ACTN1: variants seen among roughly 807,000 people sequenced by gnomAD.
The protein encoded by ACTN1 is actinin alpha 1, also known as alpha-actinin-1.
In ACTN1, 30 loss-of-function variants were observed where a neutral mutation model predicts 119.6. The ratio of observed to expected loss-of-function variants is 0.25; its 90% CI spans 0.19 to 0.34. The LOEUF (loss-of-function observed/expected upper bound fraction) is 0.34, where lower values mean the gene tolerates loss of function less well. Among genes scored for constraint, ACTN1 ranks in the 10% least tolerant of loss-of-function variants. ACTN1 has a pLI of 1.00. For synonymous variants in ACTN1, 429 were observed against 472.6 expected (o/e 0.91, Z 1.20); for missense variants, 764 against 1,223.4 (o/e 0.62, Z 5.60).
At chr14:68,945,501 G>C (rs1309380591) in intron 1 of ACTN1, among the ~76,000 whole-genome samples, 1 of 152,222 alleles carries the variant, frequency 6.6e-6, no homozygotes, top group East Asian at 1.9e-4. Flanking sequence ...ATCTTAGAAA[G>C]AGACCTCTAA....
At chr14:68,917,910 A>G (rs1369173697) in intron 3 of ACTN1, among the ~76,000 whole-genome samples, 1 of 152,136 alleles carries the variant, frequency 6.6e-6, no homozygotes, top group Non-Finnish European at 1.5e-5. Context: ...TACTAAAAAT[A>G]CAAAAATTAG....
chr14:68,944,917 G>C (rs1311218954), intron 1 of ACTN1, among the ~76,000 whole-genome samples: 5 of 148,666 alleles, frequency 3.4e-5, no homozygotes, highest in Non-Finnish European at 6.1e-5. Flanking sequence ...GTAGCTGTAG[G>C]TCACCCTATG....
chr14:68,962,417 G>C (rs879314229), intron 1 of ACTN1, among the ~76,000 whole-genome samples: 5 of 152,120 alleles, frequency 3.3e-5, no homozygotes, highest in Admixed American at 6.5e-5. Flanking sequence ...CTCCACAGCC[G>C]CCTTCCCAGG....
chr14:68,933,985 A>G (rs2035361785), intron 1 of ACTN1, among the ~76,000 whole-genome samples: 1 of 151,856 alleles, frequency 6.6e-6, no homozygotes, highest in African/African-American at 2.4e-5. Flanking sequence ...CTCAAGAAAA[A>G]AAAAAAAAAA....
chr14:68,885,918 A>C lies in ACTN1; in HGVS notation c.1235-343T>G. ...CTCTGGTATAACCAGGAAAAAAACA[A>C]CCCAAGCACCTCAGGAGTACCCTGC... On this transcript the variant is annotated intron_variant, in intron 11 of 21. Transcript: ENST00000394419. The surrounding 1 kb of genome is among the most constrained non-coding windows in gnomAD (Gnocchi z 5.6). 4.8e-6 allele frequency: 1 copy of C among 208,478 alleles called. No individual in the cohort carries two copies. The allele number at this position is 208,478 out of a possible 1,614,324, so 12.9% of individuals were successfully genotyped here.
At chr14:68,906,099 C>G (rs184267291) in intron 6 of ACTN1, among the ~76,000 whole-genome samples, 1 of 152,054 alleles carries the variant, frequency 6.6e-6, no homozygotes. Context: ...GGGGAACTAC[C>G]GTTTAATGGG....
intron 6 of ACTN1, among the ~76,000 whole-genome samples, chr14:68,905,789 C>T (rs1012769126): frequency 4.6e-5 from 7 of 152,022 alleles, no homozygotes; most frequent in Non-Finnish European, 7.4e-5. Context: ...GTCAGGAGTT[C>T]ATGACTAGCG....
chr14:68,973,036 C>A (rs549839939), intron 1 of ACTN1, among the ~76,000 whole-genome samples: 2 of 152,298 alleles, frequency 1.3e-5, no homozygotes, highest in Admixed American at 1.3e-4. Flanking sequence ...TTGGGGCCTG[C>A]CCATCACTAG....
chr14:68,936,629 T>G, intron 1 of ACTN1: 3 of 579,512 alleles, frequency 5.2e-6, no homozygotes, highest in East Asian at 3.9e-5. Flanking sequence ...GCACCGAGAG[T>G]TCGTGGCAGA....
rs2031649004 is a variant in ACTN1 at position 68,882,592 on chromosome 14, C to A, written c.1819G>T (p.Val607Leu). The change falls in exon 16 of 22, where the codon GTG (valine) becomes TTG (leucine). Residue 607 changes from valine (V) to leucine (L), a missense_variant and splice_region_variant. Physicochemically the swap from Val to Leu is conservative, Grantham distance 32 (BLOSUM62 1). Around this residue, in one of 4 missense-constraint regions of ACTN1, gnomAD observed 544 missense variants for 912.0 expected, o/e 0.60. Transcript: ENST00000394419. This position sits in a 1 kb window ranked among gnomAD's most constrained non-coding sequence, Gnocchi z 4.5. The stretch of plus-strand genomic sequence containing the variant: ...TCCCTCCGAGGCACCAGCTGCCGCA[C>A]CTGGGGCAGGAACAACAAGGCGACT... ...PQEINGKWDH[V>L]RQLVPRRDQA... The A allele has an allele frequency of 1.2e-6, 2 of 1,613,940 alleles. No individual in the cohort carries two copies. Among genetic ancestry groups the A allele is most frequent in the South Asian group, 2.2e-5 (2 of 91,090 alleles).
At chr14:68,876,233 T>C (rs2030876332) in intron 21 of ACTN1, among the ~76,000 whole-genome samples, 1 of 152,152 alleles carries the variant, frequency 6.6e-6, no homozygotes, top group Admixed American at 6.5e-5. Flanking sequence ...CCTGACCTGA[T>C]CCATCCACCT....
At chr14:68,904,606 G>C (rs1366884595) in intron 7 of ACTN1, 49 bp downstream of exon 7, 1 of 1,565,418 alleles carries the variant, frequency 6.4e-7, no homozygotes, top group African/African-American at 1.4e-5. Context: ...TAGCCGCTGA[G>C]TGGCAGGTGG....
chr14:68,948,107 G>T lies in ACTN1; in HGVS notation c.106-22435C>A, dbSNP rs1236366682. Among the ~76,000 whole-genome samples the T allele has an allele frequency of 2.0e-5, 3 of 152,220 alleles. No homozygotes were observed. The East Asian group carries it at 5.8e-4, about 29-fold the overall frequency. ...AGCCTCTCCCAGGGGAGTAGGGCTT[G>T]GATGGACAGAAAGCACACAGAGGTC... is the stretch of plus-strand genomic sequence containing the variant. On this transcript the variant is annotated intron_variant, in intron 1 of 21. Transcript: ENST00000394419.
At chr14:68,908,502 T>C (rs945266469) in intron 6 of ACTN1, among the ~76,000 whole-genome samples, 3 of 152,326 alleles carry the variant, frequency 2.0e-5, no homozygotes, top group African/African-American at 7.2e-5. Flanking sequence ...TGAGCACAGA[T>C]AGGCGACATT....
At chr14:68,973,751 G>C (rs1224275704) in intron 1 of ACTN1, 1 of 152,184 alleles carries the variant, frequency 6.6e-6, no homozygotes, top group East Asian at 1.9e-4. Flanking sequence ...CAGTACTTAG[G>C]AGGCCACTGG....
At position 68,878,894 on chromosome 14, in the gene ACTN1, A is replaced by G; in HGVS notation, c.2361+95T>C. 1 of 1,601,384 alleles carries G rather than the reference A, an allele frequency of 6.2e-7. No individual in the cohort carries two copies. Reference sequence around the variant, plus strand: ...GCCCCATGGCCCACAGGAGGGGGACAGGAGATCCAGACAGAGAGAAGAGAA... The same window carrying G: ...GCCCCATGGCCCACAGGAGGGGGACGGGAGATCCAGACAGAGAGAAGAGAA... On this transcript the variant is annotated intron_variant, in intron 19 of 21. Transcript: ENST00000394419. This position sits in a 1 kb window ranked among gnomAD's most constrained non-coding sequence, Gnocchi z 4.4.
intron 1 of ACTN1, among the ~76,000 whole-genome samples, chr14:68,961,428 C>T (rs1474270085): frequency 2.6e-5 from 4 of 152,208 alleles, no homozygotes; most frequent in Middle Eastern, 3.2e-3. Flanking sequence ...TCTCCCCTAA[C>T]TTATCTATCT....
At chr14:68,978,728 C>G in intron 1 of ACTN1, 1 of 363,068 alleles carries the variant, frequency 2.8e-6, no homozygotes, top group Non-Finnish European at 4.9e-6. Flanking sequence ...GCCACCTCCC[C>G]GCGCTCCGGC....
intron 1 of ACTN1, among the ~76,000 whole-genome samples, chr14:68,959,176 C>T (rs1290198172): frequency 2.0e-5 from 3 of 152,214 alleles, no homozygotes; most frequent in Non-Finnish European, 4.4e-5. Context: ...ACGACAGAGT[C>T]TCCAAGAAGT....
Sources: gnomAD v4.1 joint callset for allele counts (sites outside exome capture counted in the v4.1 genomes callset) on GRCh38, gnomAD v4.1.1 for gene constraint, gnomAD v4.1.1 regional missense constraint, Gnocchi (gnomAD v3.1) non-coding constraint, MANE v1.5 for transcripts, NCBI Gene and HGNC (gene_info 2026-07-23, HGNC 2026-07-21) for gene names.